Variants in FBF1 observed in about 807,000 individuals in gnomAD.
The protein encoded by FBF1 is fas-binding factor 1.
FBF1 carries 119 observed loss-of-function variants against 147.2 expected under a neutral mutation model. That is an observed-to-expected ratio of 0.81 (90% CI 0.70 to 0.94). FBF1 has a LOEUF of 0.94. FBF1 is among the 40% of genes least tolerant of loss of function. The pLI is 0.00. For missense variants in FBF1, 1,449 were observed against 1,500.8 expected, an observed-to-expected ratio of 0.97 and a Z score of 0.57; for synonymous variants, 601 against 609.0, an observed-to-expected ratio of 0.99 and a Z score of 0.19.
chr17:75,929,945 A>ACACCCC, intron 7 of FBF1, 52 bp downstream of exon 7: 5 of 650,910 alleles, frequency 7.7e-6, no homozygotes, highest in Non-Finnish European at 1.4e-5. Flanking sequence ...AAATATCATG[A>ACACCCC]CCCCACCCCA....
At chr17:75,936,716 G>A (rs772618942) in intron 3 of FBF1, among the ~76,000 whole-genome samples, 1 of 152,020 alleles carries the variant, frequency 6.6e-6, no homozygotes, top group Non-Finnish European at 1.5e-5. Flanking sequence ...AAAGGATGAT[G>A]GTGCAGATTT....
chr17:75,920,999 C>A (rs2065522556), intron 17 of FBF1, among the ~76,000 whole-genome samples: 1 of 152,228 alleles, frequency 6.6e-6, no homozygotes. Flanking sequence ...GCTCCCCGGC[C>A]TGGCTGCCTC....
At chr17:75,936,285 G>C (rs898607066) in intron 3 of FBF1, among the ~76,000 whole-genome samples, 1 of 152,034 alleles carries the variant, frequency 6.6e-6, no homozygotes, top group African/African-American at 2.4e-5. Context: ...CTGCACTCCA[G>C]CCTGGGCGAC....
chr17:75,927,886 G>A (rs1237445045), intron 8 of FBF1, among the ~76,000 whole-genome samples, 190 bp downstream of exon 8: 1 of 152,166 alleles, frequency 6.6e-6, no homozygotes, highest in Non-Finnish European at 1.5e-5. Flanking sequence ...GGAAACTCAA[G>A]CTGTCCCCTT....
intron 4 of FBF1, among the ~76,000 whole-genome samples, chr17:75,933,858 A>G (rs1256952380): frequency 6.6e-6 from 1 of 152,212 alleles, no homozygotes; most frequent in Non-Finnish European, 1.5e-5. Context: ...AACTACAATG[A>G]GATACCCACT....
Position 75,915,111 on chromosome 17 carries a change from G to C in FBF1, c.2534C>G (p.Ser845Cys), listed in dbSNP as rs2065480826. Residue 845 changes from serine (S) to cysteine (C), a missense_variant, in exon 24 of 30, where the codon TCC becomes TGC. Coordinates refer to ENST00000636174, the MANE Select transcript of FBF1 (RefSeq NM_001319193.2). Reference protein sequence around the residue: ...QERWRVTAEQSKAESMQRALE... With the variant: ...QERWRVTAEQCKAESMQRALE... Reference sequence around the variant, plus strand: ...GGCGCGCTGCATGGACTCCGCCTTGGACTGCTCGGCAGTCACCCGCCAGCG... The same window carrying C: ...GGCGCGCTGCATGGACTCCGCCTTGCACTGCTCGGCAGTCACCCGCCAGCG... The C allele has an allele frequency of 6.2e-7, 1 of 1,610,936 alleles. No homozygotes were observed. Among genetic ancestry groups the C allele is most frequent in the Admixed American group, 1.7e-5 (1 of 59,824 alleles).
intron 5 of FBF1, among the ~76,000 whole-genome samples, chr17:75,931,645 G>A (rs1001253932): frequency 5.3e-5 from 8 of 151,786 alleles, no homozygotes; most frequent in Middle Eastern, 3.2e-3. Context: ...TTAGCCAGGC[G>A]TGGTGGCGGG....
chr17:75,920,460 T>C (rs2065518767), intron 17 of FBF1, 31 bp from the exon 18 acceptor site: 1 of 1,578,300 alleles, frequency 6.3e-7, no homozygotes, highest in African/African-American at 1.3e-5. Flanking sequence ...TGTTTCTAGT[T>C]AGGGAGGGGA....
At chr17:75,931,708 G>A (rs528129790) in intron 5 of FBF1, among the ~76,000 whole-genome samples, 23 of 151,912 alleles carry the variant, frequency 1.5e-4, no homozygotes, top group Non-Finnish European at 2.2e-4. Context: ...CACTTGAACC[G>A]GGAGGTGGAG....
intron 23 of FBF1, among the ~76,000 whole-genome samples, chr17:75,915,880 T>G (rs1317127293): frequency 1.3e-5 from 2 of 151,744 alleles, no homozygotes; most frequent in Admixed American, 1.3e-4. Flanking sequence ...TGGTGGCAGT[T>G]GCCTGTAATC....
chr17:75,910,305 T>C lies in FBF1; in HGVS notation c.*418A>G. ...TGCTCTGGCAGGGAGTAGGGAAGGC[T>C]GTTTGTGGCATCCCTCAAGAAAGCT... On this transcript the variant is annotated 3_prime_UTR_variant, in exon 30 of 30. Transcript: ENST00000636174. The surrounding 1 kb of genome is among the most constrained non-coding windows in gnomAD (Gnocchi z 4.1). The C allele has an allele frequency of 3.1e-6, 1 of 318,502 alleles. No homozygotes were observed. Among genetic ancestry groups the C allele is most frequent in the South Asian group, 3.0e-5 (1 of 32,838 alleles). The allele number at this position is 318,502 out of a possible 1,614,324, so 19.7% of individuals were successfully genotyped here.
chr17:75,921,270 G>C lies in FBF1; in HGVS notation c.1648C>G (p.Pro550Ala), dbSNP rs944220007. ...TGGACGGGCACGGAAGGCTCTGTGGGTTTCTGGGTGCTCGGGAAACACGTG... is the reference window on the plus strand; with the variant it reads ...TGGACGGGCACGGAAGGCTCTGTGGCTTTCTGGGTGCTCGGGAAACACGTG... ...PATCFPSTQK[P>A]TEPSVPVQPL... The change falls in exon 17 of 30, where the codon CCC (proline) becomes GCC (alanine). Residue 550 changes from proline (P) to alanine (A), a missense_variant. By Grantham distance (27) the Pro-to-Ala change is conservative. Coordinates refer to ENST00000636174, the MANE Select transcript of FBF1 (RefSeq NM_001319193.2). The C allele has an allele frequency of 1.9e-5, 31 of 1,593,082 alleles. No homozygotes were observed. Among genetic ancestry groups the C allele is most frequent in the Non-Finnish European group, 2.6e-5 (30 of 1,169,892 alleles).
intron 5 of FBF1, among the ~76,000 whole-genome samples, chr17:75,931,852 GA>G (rs1228537768): frequency 3.3e-5 from 5 of 151,944 alleles, no homozygotes; most frequent in Non-Finnish European, 5.9e-5. Flanking sequence ...GGAGGGCTCA[GA>G]AAATTCCTCC....
chr17:75,914,240 G>C lies in FBF1; in HGVS notation c.2873C>G (p.Ala958Gly). 2 of 1,593,664 alleles carry C rather than the reference G, an allele frequency of 1.3e-6. No individual in the cohort carries two copies. The highest frequency in any genetic ancestry group is 1.7e-6 in the Non-Finnish European group (2 of 1,172,508). ...CTGCTCCAGGGCTGCTCTCTCCGCT[G>C]CCAGCTGCTTCTCCTCGGCCCGGAG... ...SELRAEEKQL[A>G]AERAALEQER... Residue 958 changes from alanine to glycine, a missense_variant, in exon 26 of 30, where the codon GCA becomes GGA. Physicochemically the swap from Ala to Gly is moderately conservative, Grantham distance 60 (BLOSUM62 0). Coordinates refer to ENST00000636174, the MANE Select transcript of FBF1 (RefSeq NM_001319193.2).
Position 75,914,804 on chromosome 17 carries a change from G to T in FBF1, c.2757C>A (p.Ala919=), listed in dbSNP as rs781129491. The change falls in exon 25 of 30, where the codon GCC becomes GCA. Residue 919 remains alanine, a synonymous_variant. Transcript: ENST00000636174. ...GGGTGTCCACCTGCAATGCCCGCTC[G>T]GCCTCGCGCTCGGCCCGCTCCTTAC... ...KLSKERAERE[A]ERALQVDTQR... is the part of the protein sequence containing the mutation. The T allele has an allele frequency of 6.5e-7, 1 of 1,548,500 alleles. No homozygotes were observed. Among genetic ancestry groups the T allele is most frequent in the Non-Finnish European group, 8.7e-7 (1 of 1,152,700 alleles).
At chr17:75,912,912 T>A (rs2065464195) in intron 28 of FBF1, among the ~76,000 whole-genome samples, 1 of 151,954 alleles carries the variant, frequency 6.6e-6, no homozygotes, top group African/African-American at 2.4e-5. Flanking sequence ...TGGTAGCACA[T>A]GCCTGTAATC....
Position 75,913,924 on chromosome 17 carries a change from G to A in FBF1, c.3118C>T (p.His1040Tyr). The A allele has an allele frequency of 6.5e-7, 1 of 1,545,924 alleles. No individual in the cohort carries two copies. Among genetic ancestry groups the A allele is most frequent in the Non-Finnish European group, 8.7e-7 (1 of 1,150,724 alleles). The stretch of plus-strand genomic sequence containing the variant: ...TCAGGGAGCCTTGCCTGGTGCATGT[G>A]CTGCTCCTGCTTCCGCAGCCGCTCC... ...QQERLRKQEQHMHQEHLSLAQ... is the reference protein window; with the variant it reads ...QQERLRKQEQYMHQEHLSLAQ... The change falls in exon 27 of 30, where the codon CAC becomes TAC. Residue 1040 changes from histidine (H) to tyrosine (Y), a missense_variant. His to Tyr is a moderately conservative substitution (Grantham distance 83). Coordinates refer to ENST00000636174, the MANE Select transcript of FBF1 (RefSeq NM_001319193.2).
rs550426051 is a variant in FBF1 at position 75,917,649 on chromosome 17, G to A, written c.2505+83C>T. 3.6e-5 allele frequency: 46 copies of A among 1,273,718 alleles called. 1 individual carries two copies. In the African/African-American group the frequency reaches 6.4e-4, roughly 18 times the overall value. 78.9% of individuals were successfully genotyped at this position (1,273,718 alleles called of 1,614,324 possible). On this transcript the variant is annotated intron_variant, in intron 23 of 29. Transcript: ENST00000636174. ...TGACCTCCTGAGGAAGTGAGGTCAC[G>A]GGAGTGCCGCTACACTTGCGGGTGC... is the stretch of plus-strand genomic sequence containing the variant.
intron 7 of FBF1, among the ~76,000 whole-genome samples, chr17:75,929,372 G>C (rs1180225582): frequency 6.6e-6 from 1 of 151,994 alleles, no homozygotes; most frequent in African/African-American, 2.4e-5. Context: ...ACAAAAACAA[G>C]AGCCCCACAG....
Sources: gnomAD v4.1 joint callset for allele counts (sites outside exome capture counted in the v4.1 genomes callset) on GRCh38, gnomAD v4.1.1 for gene constraint, Gnocchi (gnomAD v3.1) non-coding constraint, MANE v1.5 for transcripts, NCBI Gene and HGNC (gene_info 2026-07-23, HGNC 2026-07-21) for gene names.